Variants in C8orf34 observed in about 807,000 individuals in gnomAD.
C8orf34 encodes the protein uncharacterized protein C8orf34.
A neutral mutation model predicts 68.3 loss-of-function variants in C8orf34; 65 were observed. The observed-to-expected ratio is 0.95, with a 90% CI of 0.78 to 1.17. The LOEUF (loss-of-function observed/expected upper bound fraction) is 1.17, where lower values mean the gene tolerates loss of function less well. C8orf34 is among the 50% of genes most tolerant of loss of function. The pLI, the probability that C8orf34 is intolerant of heterozygous loss-of-function variation, is 0.00. For missense variants in C8orf34, 664 were observed against 655.4 expected, an observed-to-expected ratio of 1.01 and a Z score of -0.14; for synonymous variants, 244 against 241.2, an observed-to-expected ratio of 1.01 and a Z score of -0.11.
intron 7 of C8orf34, among the ~76,000 whole-genome samples, chr8:68,546,832 A>G (rs1815900287): frequency 6.6e-6 from 1 of 151,788 alleles, no homozygotes; most frequent in Non-Finnish European, 1.5e-5. Flanking sequence ...AGTTTTAATA[A>G]CAAATGGGTC....
chr8:68,508,639 G>A (rs1038381190), intron 5 of C8orf34, among the ~76,000 whole-genome samples: 4 of 152,154 alleles, frequency 2.6e-5, no homozygotes, highest in Non-Finnish European at 4.4e-5. Context: ...TTGGCTGGCT[G>A]TCAGTTGATA....
intron 4 of C8orf34, among the ~76,000 whole-genome samples, chr8:68,484,356 T>C (rs1433436676): frequency 6.6e-6 from 1 of 152,168 alleles, no homozygotes; most frequent in Non-Finnish European, 1.5e-5. Flanking sequence ...AACATGAGAT[T>C]TGGGCAGGAC....
Position 68,759,860 on chromosome 8 carries a change from C to A in C8orf34, c.1405-16539C>A, listed in dbSNP as rs571545984. ...TTAGTGCATCCATTCATTCCACAAA[C>A]ATCTATTAAGCATTTTCTATGGTGA... On this transcript the variant is annotated intron_variant, in intron 10 of 13. Coordinates refer to ENST00000518698, the MANE Select transcript of C8orf34 (RefSeq NM_052958.4). Among the ~76,000 whole-genome samples, 381 of 152,274 alleles carry A rather than the reference C, an allele frequency of 2.5e-3. 5 individuals carry two copies. The highest frequency in any genetic ancestry group is 8.9e-3 in the African/African-American group (370 of 41,548).
chr8:68,447,138 A>G (rs181742261), intron 3 of C8orf34: 2 of 153,076 alleles, frequency 1.3e-5, no homozygotes, highest in Admixed American at 1.3e-4. Flanking sequence ...CACGCATCAT[A>G]TGGCGAGAGG....
intron 8 of C8orf34, among the ~76,000 whole-genome samples, chr8:68,690,392 C>G (rs928031321): frequency 6.6e-6 from 1 of 151,942 alleles, no homozygotes; most frequent in Admixed American, 6.6e-5. Context: ...TATGTCTTAG[C>G]CTGTTTGGGC....
intron 5 of C8orf34, among the ~76,000 whole-genome samples, chr8:68,498,193 C>A (rs1813615001): frequency 6.6e-6 from 1 of 152,156 alleles, no homozygotes. Flanking sequence ...AATACACACA[C>A]CCACATGCAT....
At chr8:68,394,634 T>C (rs977730408) in intron 1 of C8orf34, among the ~76,000 whole-genome samples, 4 of 152,160 alleles carry the variant, frequency 2.6e-5, no homozygotes, top group African/African-American at 7.2e-5. Context: ...AAACTTATAC[T>C]ATTTTCTATG....
chr8:68,357,648 C>T (rs997335941), intron 1 of C8orf34, among the ~76,000 whole-genome samples: 13 of 152,246 alleles, frequency 8.5e-5, no homozygotes, highest in Non-Finnish European at 1.6e-4. Flanking sequence ...ATAAGGCTGG[C>T]CTGTTGAGGA....
chr8:68,701,118 T>G (rs1413719253), intron 8 of C8orf34, among the ~76,000 whole-genome samples: 3 of 152,104 alleles, frequency 2.0e-5, no homozygotes, highest in Non-Finnish European at 4.4e-5. Context: ...TCTAAGTAGC[T>G]GGATTAAATA....
At chr8:68,730,305 G>A (rs16934967) in intron 10 of C8orf34, among the ~76,000 whole-genome samples, 32,207 of 152,052 alleles carry the variant, frequency 0.21, 3,945 homozygotes, top group African/African-American at 0.32. Context: ...ATTTTGCTCA[G>A]TCCTAAAGGT....
Position 68,330,963 on chromosome 8 carries a change from G to C in C8orf34, c.-50G>C, listed in dbSNP as rs1178100400. The C allele has an allele frequency of 7.7e-7, 1 of 1,301,540 alleles. No individual in the cohort carries two copies. Among genetic ancestry groups the C allele is most frequent in the Non-Finnish European group, 9.9e-7 (1 of 1,008,554 alleles). The allele number at this position is 1,301,540 out of a possible 1,614,324, so 80.6% of individuals were successfully genotyped here. A position where few individuals can be genotyped will look rare whatever the true frequency, so the allele number is the denominator to read the frequency against. Reference sequence around the variant, plus strand: ...CTGCCTCGAATTTCCCCACTGCGCCGGGCGCTGCGGAGAGCGGCGAGGGTG... The same window carrying C: ...CTGCCTCGAATTTCCCCACTGCGCCCGGCGCTGCGGAGAGCGGCGAGGGTG... On this transcript the variant is annotated 5_prime_UTR_variant, in exon 1 of 14. Transcript: ENST00000518698.
intron 4 of C8orf34, among the ~76,000 whole-genome samples, chr8:68,480,178 G>A (rs1812799065): frequency 6.6e-6 from 1 of 152,148 alleles, no homozygotes; most frequent in Non-Finnish European, 1.5e-5. Flanking sequence ...GGAATCACAG[G>A]GGCCAGCTTT....
intron 10 of C8orf34, among the ~76,000 whole-genome samples, chr8:68,727,803 G>A (rs1821875251): frequency 6.6e-6 from 1 of 152,182 alleles, no homozygotes; most frequent in Non-Finnish European, 1.5e-5. Context: ...GGGACACAGG[G>A]CACCAAGTCC....
At chr8:68,433,547 A>C (rs1472912227) in intron 1 of C8orf34, among the ~76,000 whole-genome samples, 1 of 152,220 alleles carries the variant, frequency 6.6e-6, no homozygotes, top group Non-Finnish European at 1.5e-5. Flanking sequence ...AGCAAAAAGT[A>C]AGTTAGTCCC....
At chr8:68,615,753 C>T (rs1362023527) in intron 7 of C8orf34, among the ~76,000 whole-genome samples, 2 of 151,962 alleles carry the variant, frequency 1.3e-5, no homozygotes, top group Admixed American at 6.6e-5. Flanking sequence ...AAAATTCTCT[C>T]TTTTGGTTTT....
At chr8:68,397,828 G>T (rs1268839916) in intron 1 of C8orf34, among the ~76,000 whole-genome samples, 1 of 152,058 alleles carries the variant, frequency 6.6e-6, no homozygotes, top group Non-Finnish European at 1.5e-5. Flanking sequence ...AAGTGCAATG[G>T]CATTATGTCA....
At chr8:68,427,856 G>T (rs1040371479) in intron 1 of C8orf34, among the ~76,000 whole-genome samples, 7 of 151,200 alleles carry the variant, frequency 4.6e-5, no homozygotes, top group African/African-American at 1.7e-4. Flanking sequence ...TGATTGTATA[G>T]TTATTTCAAA....
intron 12 of C8orf34, chr8:68,792,271 T>C (rs1413836194): frequency 6.6e-6 from 1 of 152,066 alleles, no homozygotes; most frequent in East Asian, 1.9e-4. Context: ...AAAAGTATGC[T>C]TAAGATATTT....
intron 9 of C8orf34, among the ~76,000 whole-genome samples, chr8:68,711,167 G>T (rs1220468652): frequency 6.6e-6 from 1 of 152,152 alleles, no homozygotes; most frequent in East Asian, 1.9e-4. Flanking sequence ...AATCTGAACA[G>T]CAGTTCTTGA....
Sources: gnomAD v4.1 joint callset for allele counts (sites outside exome capture counted in the v4.1 genomes callset) on GRCh38, gnomAD v4.1.1 for gene constraint, MANE v1.5 for transcripts, NCBI Gene and HGNC (gene_info 2026-07-23, HGNC 2026-07-21) for gene names.